GAREM1: variants seen among roughly 807,000 people sequenced by gnomAD.
GAREM1 encodes GRB2-associated and regulator of MAPK protein 1.
In GAREM1, 26 loss-of-function variants were observed where a neutral mutation model predicts 71.3. The ratio of observed to expected loss-of-function variants is 0.36; its 90% CI spans 0.27 to 0.51. GAREM1 has a LOEUF of 0.51. Among genes scored for constraint, GAREM1 ranks in the 20% least tolerant of loss-of-function variants. The pLI is 0.95. For missense variants in GAREM1, 1,026 were observed against 1,103.1 expected (o/e 0.93, Z 0.99); for synonymous variants, 440 against 433.2 (o/e 1.02, Z -0.20).
intron 1 of GAREM1, among the ~76,000 whole-genome samples, chr18:32,401,035 T>C (rs1599021211): frequency 6.6e-6 from 1 of 152,242 alleles, no homozygotes; most frequent in South Asian, 2.1e-4. Context: ...GGGACATGGA[T>C]GAAGCTGGAA....
rs141959653 is a variant in GAREM1, at chr18:32,467,885, C to T, written c.121+2423G>A. Reference sequence around the variant, plus strand: ...CCTATAACATTTATAAATATACCAGCATGTCCTCAACCTGTCCTAAACTGT... The same window carrying T: ...CCTATAACATTTATAAATATACCAGTATGTCCTCAACCTGTCCTAAACTGT... On this transcript the variant is annotated intron_variant, in intron 1 of 5. Transcript: ENST00000269209. Among the ~76,000 whole-genome samples, 8 of 152,188 alleles carry T rather than the reference C, an allele frequency of 5.3e-5. No homozygotes were observed. In the East Asian group the frequency reaches 1.2e-3, roughly 22 times the overall value.
chr18:32,384,190 G>A (rs1254515529), intron 2 of GAREM1, among the ~76,000 whole-genome samples: 2 of 152,120 alleles, frequency 1.3e-5, no homozygotes, highest in Non-Finnish European at 2.9e-5. Context: ...GAGCAATCAG[G>A]TTTCCATAAG....
At chr18:32,416,437 G>A (rs564378375) in intron 1 of GAREM1, among the ~76,000 whole-genome samples, 1 of 152,152 alleles carries the variant, frequency 6.6e-6, no homozygotes, top group South Asian at 2.1e-4. Flanking sequence ...AGAACAAACT[G>A]GAGGCATCAC....
chr18:32,299,339 C>T (rs963463590), intron 3 of GAREM1, among the ~76,000 whole-genome samples: 4 of 151,722 alleles, frequency 2.6e-5, no homozygotes, highest in Non-Finnish European at 5.9e-5. Flanking sequence ...ATGGTGAAAC[C>T]CTGTCTCTAC....
At chr18:32,363,973 C>CAAATACAT (rs10652954) in intron 2 of GAREM1, among the ~76,000 whole-genome samples, 3,071 of 92,396 alleles carry the variant, frequency 0.033, 315 homozygotes, top group African/African-American at 0.12. Flanking sequence ...TATACATACA[C>CAAATACAT]AAATACATAA....
At chr18:32,439,117 A>G (rs953355553) in intron 1 of GAREM1, among the ~76,000 whole-genome samples, 5 of 152,184 alleles carry the variant, frequency 3.3e-5, no homozygotes, top group African/African-American at 1.2e-4. Context: ...CAAGACCTGG[A>G]GCTTAAACAG....
At chr18:32,403,077 C>A (rs532980424) in intron 1 of GAREM1, among the ~76,000 whole-genome samples, 2 of 152,092 alleles carry the variant, frequency 1.3e-5, no homozygotes, top group Admixed American at 6.5e-5. Context: ...ACCACTACAC[C>A]CAGCTAATTT....
At chr18:32,469,565 A>T (rs2049029942) in intron 1 of GAREM1, among the ~76,000 whole-genome samples, 1 of 152,238 alleles carries the variant, frequency 6.6e-6, no homozygotes, top group South Asian at 2.1e-4. Flanking sequence ...GTCACACCGC[A>T]GAATAAACAG....
chr18:32,300,206 G>A (rs1038754488), intron 3 of GAREM1, among the ~76,000 whole-genome samples: 3 of 152,154 alleles, frequency 2.0e-5, no homozygotes, highest in Admixed American at 2.0e-4. Context: ...AGAGTAGGTA[G>A]AAAATGCTGG....
At chr18:32,462,698 A>G (rs1599066309) in intron 1 of GAREM1, among the ~76,000 whole-genome samples, 1 of 152,198 alleles carries the variant, frequency 6.6e-6, no homozygotes. Flanking sequence ...CTAATGTCAT[A>G]AAGTGTTTCT....
chr18:32,413,245 A>C, intron 1 of GAREM1: 2 of 1,583,974 alleles, frequency 1.3e-6, no homozygotes, highest in Non-Finnish European at 1.7e-6. Flanking sequence ...AGGCCAGAAA[A>C]ATATTTCAAC....
intron 5 of GAREM1, among the ~76,000 whole-genome samples, chr18:32,269,305 A>G (rs992538727): frequency 6.6e-6 from 1 of 152,216 alleles, no homozygotes; most frequent in South Asian, 2.1e-4. Flanking sequence ...GAGTAACATT[A>G]GCGCAAAGAT....
Position 32,264,097 on chromosome 18 carries a change from C to T in GAREM1, c.*3774G>A, listed in dbSNP as rs1174026279. The T allele has an allele frequency of 6.6e-6, 1 of 151,972 alleles. No homozygotes were observed. The highest frequency in any genetic ancestry group is 1.5e-5 in the Non-Finnish European group (1 of 68,002). The allele number at this position is 151,972 out of a possible 1,614,324, so 9.4% of individuals were successfully genotyped here. ...TTAACATGATGTAACCATGAGAATC[C>T]CGTATTATTACAATCCCACAATCTA... On this transcript the variant is annotated 3_prime_UTR_variant, in exon 6 of 6. Coordinates refer to ENST00000269209, the MANE Select transcript of GAREM1 (RefSeq NM_001242409.2).
chr18:32,420,169 TGA>T (rs1365595717), intron 1 of GAREM1, among the ~76,000 whole-genome samples: 1 of 152,222 alleles, frequency 6.6e-6, no homozygotes, highest in African/African-American at 2.4e-5. Context: ...TAAAGTTAAC[TGA>T]GCATAATTAT....
chr18:32,470,390 A>G lies in GAREM1; in HGVS notation c.39T>C (p.Asp13=). ...GCACGGCCACCGAGCTCCACTTCAC[A>G]TCCTTGAGGCTGCAGCCCAGCGAGG... The part of the protein sequence containing the change: ...PAPSLGCSLK[D]VKWSSVAVPL... Residue 13 remains aspartate (D), a synonymous_variant, in exon 1 of 6, where the codon GAT becomes GAC. Coordinates refer to ENST00000269209, the MANE Select transcript of GAREM1 (RefSeq NM_001242409.2). The surrounding 1 kb of genome is among the most constrained non-coding windows in gnomAD (Gnocchi z 4.4). 3.2e-6 allele frequency: 5 copies of G among 1,562,260 alleles called. No individual in the cohort carries two copies. The Middle Eastern group carries it at 6.8e-4, about 214-fold the overall frequency.
intron 1 of GAREM1, among the ~76,000 whole-genome samples, chr18:32,469,247 C>T (rs1012306447): frequency 1.3e-5 from 2 of 152,118 alleles, no homozygotes; most frequent in African/African-American, 4.8e-5. Context: ...CCCCAGGAAA[C>T]AAGGAGTAAC....
chr18:32,451,247 A>AC (rs2048835935), intron 1 of GAREM1, among the ~76,000 whole-genome samples: 1 of 60,040 alleles, frequency 1.7e-5, no homozygotes, highest in Non-Finnish European at 3.4e-5. Context: ...CAGAGCCCCC[A>AC]TCCCCCCACC....
At chr18:32,374,575 G>A (rs2048014998) in intron 2 of GAREM1, among the ~76,000 whole-genome samples, 2 of 152,220 alleles carry the variant, frequency 1.3e-5, no homozygotes, top group Non-Finnish European at 2.9e-5. Context: ...TACCTCTGGA[G>A]AAGTATGTAT....
At chr18:32,379,885 G>A (rs2048078057) in intron 2 of GAREM1, among the ~76,000 whole-genome samples, 1 of 152,082 alleles carries the variant, frequency 6.6e-6, no homozygotes, top group Admixed American at 6.5e-5. Context: ...GATGCATACT[G>A]CTATGAAACA....
Sources: gnomAD v4.1 joint callset for allele counts (sites outside exome capture counted in the v4.1 genomes callset) on GRCh38, gnomAD v4.1.1 for gene constraint, Gnocchi (gnomAD v3.1) non-coding constraint, MANE v1.5 for transcripts, NCBI Gene and HGNC (gene_info 2026-07-23, HGNC 2026-07-21) for gene names.